DNAH17: variants seen among roughly 807,000 people sequenced by gnomAD.
DNAH17 encodes dynein axonemal heavy chain 17.
A neutral mutation model predicts 485.6 loss-of-function variants in DNAH17; 376 were observed. That is an observed-to-expected ratio of 0.77 (90% CI 0.71 to 0.84). The LOEUF (loss-of-function observed/expected upper bound fraction) is 0.84, where lower values mean the gene tolerates loss of function less well. DNAH17 is among the 40% of genes least tolerant of loss of function. The probability of loss-of-function intolerance (pLI) is 0.00; values close to 1 mark genes in which losing one functional copy is unlikely to be tolerated. For missense variants in DNAH17, 6,370 were observed against 5,839.3 expected, an observed-to-expected ratio of 1.09 and a Z score of -2.96; for synonymous variants, 3,031 against 2,405.9, an observed-to-expected ratio of 1.26 and a Z score of -7.60.
At chr17:78,522,849 T>G in intron 25 of DNAH17, 1 of 156,990 alleles carries the variant, frequency 6.4e-6, no homozygotes, top group South Asian at 1.5e-4. Flanking sequence ...CTTTCTTTCC[T>G]TTTTCTTTCT....
Position 78,490,716 on chromosome 17 carries a change from G to A in DNAH17, c.6801C>T (p.Ala2267=), listed in dbSNP as rs61741536. ...CCACTCACGGGTTCCATCCCAGGTC[G>A]GCTGGGTTGATGTAGAGGATGCCGG... is the stretch of plus-strand genomic sequence containing the variant. ...SRAGILYINP[A]DLGWNPVVSS... Residue 2267 remains alanine, a synonymous_variant, in exon 44 of 81, where the codon GCC becomes GCT. Coordinates refer to ENST00000389840, the MANE Select transcript of DNAH17 (RefSeq NM_173628.4). The A allele has an allele frequency of 8.8e-4, 1,418 of 1,608,150 alleles. 13 individuals carry two copies. In the African/African-American group the frequency reaches 0.016, roughly 18 times the overall value.
chr17:78,531,232 C>T (rs954546086), intron 20 of DNAH17, among the ~76,000 whole-genome samples: 1 of 151,716 alleles, frequency 6.6e-6, no homozygotes, highest in African/African-American at 2.4e-5. Flanking sequence ...TGGTGCTGGG[C>T]GCATAGATAT....
intron 53 of DNAH17, 79 bp downstream of exon 53, chr17:78,475,590 C>T (rs2088977279): frequency 6.2e-7 from 1 of 1,602,156 alleles, no homozygotes; most frequent in African/African-American, 1.3e-5. Flanking sequence ...CACAATGCCA[C>T]TCGGATGTCG....
At chr17:78,540,055 C>T (rs1411736891) in intron 17 of DNAH17, among the ~76,000 whole-genome samples, 175 bp from the exon 18 acceptor site, 1 of 152,136 alleles carries the variant, frequency 6.6e-6, no homozygotes, top group Non-Finnish European at 1.5e-5. Flanking sequence ...TGCACGGCTG[C>T]TCCCTCACTT....
At chr17:78,467,135 C>A (rs141846168) in intron 55 of DNAH17, among the ~76,000 whole-genome samples, 2 of 152,348 alleles carry the variant, frequency 1.3e-5, no homozygotes, top group East Asian at 3.9e-4. Flanking sequence ...CAGAACGGGC[C>A]GGGCTCCCAA....
Position 78,451,496 on chromosome 17 carries a change from T to G in DNAH17, c.10707A>C (p.Lys3569Asn), listed in dbSNP as rs1314869689. ...EDQLLAAVVA[K>N]ERPDLEQLKA... The stretch of plus-strand genomic sequence containing the variant: ...TCAGCTGTTCCAGATCTGGGCGCTC[T>G]TTGGCCACCACAGCGGCCAAGAGTT... Residue 3569 changes from lysine to asparagine, a missense_variant, in exon 66 of 81, where the codon AAA becomes AAC. Lys to Asn is a moderately conservative substitution (Grantham distance 94). Transcript: ENST00000389840. 1.2e-6 allele frequency: 2 copies of G among 1,613,100 alleles called. No individual in the cohort carries two copies. The highest frequency in any genetic ancestry group is 2.2e-5 in the East Asian group (1 of 44,834).
chr17:78,468,803 G>A lies in DNAH17; in HGVS notation c.8592C>T (p.Ala2864=), dbSNP rs746673624. 1.5e-5 allele frequency: 25 copies of A among 1,613,860 alleles called. No individual in the cohort carries two copies. The highest frequency in any genetic ancestry group is 1.3e-4 in the East Asian group (6 of 44,894). Residue 2864 remains alanine, a synonymous_variant, in exon 55 of 81, where the codon GCC becomes GCT. Transcript: ENST00000389840. ...TGATCAGCACCAGAAACTGCTCCTC[G>A]GCCACCTGGGAGTCTGTCATCAGGA... ...SVFLMTDSQV[A]EEQFLVLIND...
At chr17:78,540,703 G>C (rs67577167) in intron 17 of DNAH17, among the ~76,000 whole-genome samples, 15,159 of 20,360 alleles carry the variant, frequency 0.74, 5,894 homozygotes, top group African/African-American at 0.77. Flanking sequence ...GATGGGTGGA[G>C]AGATGAATGG....
intron 25 of DNAH17, among the ~76,000 whole-genome samples, chr17:78,521,537 A>G (rs940848139): frequency 1.3e-5 from 2 of 152,214 alleles, no homozygotes; most frequent in African/African-American, 4.8e-5. Flanking sequence ...CTTATACAAA[A>G]ATTAACTCAA....
chr17:78,494,991 A>T lies in DNAH17; in HGVS notation c.6010T>A (p.Tyr2004Asn). Reference sequence around the variant, plus strand: ...GAGAGCAGCTCCTTGCACAAGGTGTACAGGGTGATGAACTTCCTGGCCAGA... The same window carrying T: ...GAGAGCAGCTCCTTGCACAAGGTGTTCAGGGTGATGAACTTCCTGGCCAGA... ...RLLARKFITL[Y>N]TLCKELLSKQ... The change falls in exon 39 of 81, where the codon TAC becomes AAC. Residue 2004 changes from tyrosine (Y) to asparagine (N), a missense_variant. Tyr to Asn is a moderately radical substitution (Grantham distance 143). Transcript: ENST00000389840. 6.2e-7 allele frequency: 1 copy of T among 1,613,332 alleles called. No individual in the cohort carries two copies. Among genetic ancestry groups the T allele is most frequent in the Non-Finnish European group, 8.5e-7 (1 of 1,179,634 alleles).
chr17:78,569,811 G>A (rs970501560), intron 7 of DNAH17, among the ~76,000 whole-genome samples: 5 of 152,218 alleles, frequency 3.3e-5, no homozygotes. Flanking sequence ...TGCAGACGGG[G>A]CCACAGCATG....
In DNAH17 at chr17:78,458,073, G is replaced by C. The variant is rs552522274; in HGVS notation, c.9977+492C>G. Among the ~76,000 whole-genome samples, 3 of 152,342 alleles carry C rather than the reference G, an allele frequency of 2.0e-5. No individual in the cohort carries two copies. The South Asian group carries it at 6.2e-4, about 32-fold the overall frequency. ...CCTGCCTCGGCCTCCCAAACTGCTGGGATTACAGGCGTGAGCCACTGTGCC... is the reference window on the plus strand; with the variant it reads ...CCTGCCTCGGCCTCCCAAACTGCTGCGATTACAGGCGTGAGCCACTGTGCC... On this transcript the variant is annotated intron_variant, in intron 62 of 80. Coordinates refer to ENST00000389840, the MANE Select transcript of DNAH17 (RefSeq NM_173628.4).
Position 78,441,009 on chromosome 17 carries a change from A to G in DNAH17, c.11677+42T>C, listed in dbSNP as rs1172803540. The G allele has an allele frequency of 3.9e-6, 6 of 1,552,308 alleles. No individual in the cohort carries two copies. The African/African-American group carries it at 4.1e-5, about 11-fold the overall frequency. ...TTTCCTGGTGCCTGGTGATGCTGAC[A>G]ATACTCCGTCTTTGAGAACATCACT... On this transcript the variant is annotated intron_variant, in intron 72 of 80. Coordinates refer to ENST00000389840, the MANE Select transcript of DNAH17 (RefSeq NM_173628.4).
At chr17:78,506,223 C>T (rs921383389) in intron 30 of DNAH17, among the ~76,000 whole-genome samples, 11 of 149,096 alleles carry the variant, frequency 7.4e-5, no homozygotes, top group African/African-American at 2.5e-4. Context: ...TCACGGCAAC[C>T]CTCTGCCTCT....
chr17:78,505,718 C>T (rs1010893429), intron 30 of DNAH17, among the ~76,000 whole-genome samples: 1 of 152,194 alleles, frequency 6.6e-6, no homozygotes, highest in Non-Finnish European at 1.5e-5. Context: ...GTGGCTCACA[C>T]CTGTAATCCC....
intron 42 of DNAH17, among the ~76,000 whole-genome samples, chr17:78,492,299 C>T (rs1352467253): frequency 1.3e-5 from 2 of 149,518 alleles, no homozygotes; most frequent in Non-Finnish European, 3.0e-5. Context: ...GCTCCCCGGG[C>T]AGCCTCCAGC....
Position 78,491,533 on chromosome 17 carries a change from G to A in DNAH17, c.6579C>T (p.Ile2193=), listed in dbSNP as rs774528675. ...FSTIMRDLAN[I]THDGPKWIIL... ...TGATCCACTTGGGGCCGTCATGGGTGATGTTGGCCAGGTCTCGCATGATGG... is the reference window on the plus strand; with the variant it reads ...TGATCCACTTGGGGCCGTCATGGGTAATGTTGGCCAGGTCTCGCATGATGG... The change falls in exon 43 of 81, where the codon ATC becomes ATT. Residue 2193 remains isoleucine, a synonymous_variant. Coordinates refer to ENST00000389840, the MANE Select transcript of DNAH17 (RefSeq NM_173628.4). 99 of 1,613,930 alleles carry A rather than the reference G, an allele frequency of 6.1e-5. No individual in the cohort carries two copies. The highest frequency in any genetic ancestry group is 1.6e-4 in the Middle Eastern group (1 of 6,082).
chr17:78,469,115 C>T (rs983319456), intron 54 of DNAH17, among the ~76,000 whole-genome samples: 31 of 151,980 alleles, frequency 2.0e-4, no homozygotes, highest in Admixed American at 1.7e-3. Flanking sequence ...AGGCACACGC[C>T]GCCATGGGGC....
At chr17:78,520,805 A>G (rs1459555981) in intron 25 of DNAH17, among the ~76,000 whole-genome samples, 1 of 152,242 alleles carries the variant, frequency 6.6e-6, no homozygotes, top group Non-Finnish European at 1.5e-5. Flanking sequence ...CTCCAAATTG[A>G]TTAATAGTTT....
Sources: gnomAD v4.1 joint callset for allele counts (sites outside exome capture counted in the v4.1 genomes callset) on GRCh38, gnomAD v4.1.1 for gene constraint, MANE v1.5 for transcripts, NCBI Gene and HGNC (gene_info 2026-07-23, HGNC 2026-07-21) for gene names.